EPHB1: variants seen among roughly 807,000 people sequenced by gnomAD.
EPHB1 encodes the protein ephrin type-B receptor 1.
Under a neutral mutation model 94.4 loss-of-function variants are expected in EPHB1, and 30 were observed. The observed-to-expected ratio is 0.32, with a 90% CI of 0.24 to 0.43. The LOEUF is 0.43. EPHB1 is among the 20% of genes least tolerant of loss of function. The probability of loss-of-function intolerance (pLI) is 1.00; values close to 1 mark genes in which losing one functional copy is unlikely to be tolerated. For synonymous variants in EPHB1, 522 were observed against 489.1 expected (o/e 1.07, Z -0.89); for missense variants, 1,055 against 1,308.3 (o/e 0.81, Z 2.99).
rs996792799 is a variant in EPHB1, at chr3:135,004,497, C to T, written c.805+52445C>T. The stretch of plus-strand genomic sequence containing the variant: ...GTTCTCTGTATTTCCTGAATCTGAA[C>T]GTTGGCCTGCCTTGCTAGATTTGGG... On this transcript the variant is annotated intron_variant, in intron 3 of 15. Coordinates refer to ENST00000398015, the MANE Select transcript of EPHB1 (RefSeq NM_004441.5). 6.7e-4 allele frequency among the ~76,000 whole-genome samples: 102 copies of T among 152,212 alleles called. 1 individual carries two copies. The South Asian group carries it at 8.9e-3, about 13-fold the overall frequency.
chr3:134,852,564 G>A (rs1319725083), intron 1 of EPHB1: 1 of 152,172 alleles, frequency 6.6e-6, no homozygotes, highest in Non-Finnish European at 1.5e-5. Context: ...GAAGGAGAAT[G>A]GAAGGCCTGA....
chr3:134,945,517 T>C (rs181737562), intron 2 of EPHB1, among the ~76,000 whole-genome samples: 44 of 152,344 alleles, frequency 2.9e-4, no homozygotes, highest in Admixed American at 2.7e-3. Flanking sequence ...ATTTCAGTTT[T>C]GGCCCACACT....
intron 1 of EPHB1, among the ~76,000 whole-genome samples, chr3:134,834,455 C>T (rs2081052794): frequency 6.6e-6 from 1 of 152,160 alleles, no homozygotes; most frequent in African/African-American, 2.4e-5. Flanking sequence ...TGACTGCTGG[C>T]TGTTTGGTCT....
chr3:135,210,772 G>C (rs1943013803), intron 12 of EPHB1, among the ~76,000 whole-genome samples: 1 of 152,084 alleles, frequency 6.6e-6, no homozygotes, highest in South Asian at 2.1e-4. Context: ...TTCCCTCTCT[G>C]GCCCCACAGT....
intron 12 of EPHB1, among the ~76,000 whole-genome samples, chr3:135,237,576 G>A (rs1943686814): frequency 6.6e-6 from 1 of 152,120 alleles, no homozygotes; most frequent in Admixed American, 6.5e-5. Flanking sequence ...CCTGCAGAAA[G>A]CAGACCCATA....
Position 135,130,794 on chromosome 3 carries a change from C to T in EPHB1, c.962-1920C>T, listed in dbSNP as rs1460723710. On this transcript the variant is annotated intron_variant, in intron 4 of 15. Transcript: ENST00000398015. Reference sequence around the variant, plus strand: ...TGAGATAAAAAGATTCACCCCACACCTAGTATAAAGCAAGCACTCAGTGAA... The same window carrying T: ...TGAGATAAAAAGATTCACCCCACACTTAGTATAAAGCAAGCACTCAGTGAA... 2.0e-5 allele frequency among the ~76,000 whole-genome samples: 3 copies of T among 152,184 alleles called. No homozygotes were observed. In the East Asian group the frequency reaches 5.8e-4, roughly 29 times the overall value.
chr3:135,003,173 G>GGTTTCAAAGAACATCTTT (rs1350799712), intron 3 of EPHB1, among the ~76,000 whole-genome samples: 12 of 149,280 alleles, frequency 8.0e-5, no homozygotes, highest in African/African-American at 7.4e-5. Context: ...TGTTCTCGTT[G>GGTTTCAAAGAACATCTTT]GTTTCAAAGA....
At chr3:135,234,996 A>G (rs1435884379) in intron 12 of EPHB1, among the ~76,000 whole-genome samples, 1 of 151,416 alleles carries the variant, frequency 6.6e-6, no homozygotes, top group Admixed American at 6.6e-5. Flanking sequence ...TCATCAACAC[A>G]AATACCCCTC....
chr3:135,239,297 C>A (rs1194878526), intron 12 of EPHB1, among the ~76,000 whole-genome samples: 1 of 143,268 alleles, frequency 7.0e-6, no homozygotes, highest in South Asian at 2.3e-4. Context: ...TTTTTTTTTT[C>A]TGCCTAGCTC....
At chr3:134,872,206 CTG>C (rs2037514294) in intron 1 of EPHB1, among the ~76,000 whole-genome samples, 3 of 152,194 alleles carry the variant, frequency 2.0e-5, no homozygotes, top group Admixed American at 2.0e-4. Flanking sequence ...TTCCGGGTAA[CTG>C]TTTTGCCTCT....
chr3:134,925,794 G>T (rs635721), intron 1 of EPHB1, 22 bp from the exon 2 acceptor site: 758,005 of 1,555,472 alleles, frequency 0.49, 190,744 homozygotes, highest in African/African-American at 0.79. Flanking sequence ...TTGTTTATTC[G>T]TTTTTTCTTT....
At chr3:134,838,377 G>A (rs962115856) in intron 1 of EPHB1, among the ~76,000 whole-genome samples, 1 of 152,196 alleles carries the variant, frequency 6.6e-6, no homozygotes, top group East Asian at 1.9e-4. Context: ...GCAGAGCCAA[G>A]AGGAAACCTT....
At chr3:134,867,810 G>T (rs879348460) in intron 1 of EPHB1, among the ~76,000 whole-genome samples, 3 of 152,300 alleles carry the variant, frequency 2.0e-5, no homozygotes, top group Admixed American at 6.5e-5. Flanking sequence ...GAGTAGATTG[G>T]CCTCCCAGGT....
chr3:134,899,883 G>A (rs1009560655), intron 1 of EPHB1, among the ~76,000 whole-genome samples: 1 of 152,184 alleles, frequency 6.6e-6, no homozygotes, highest in African/African-American at 2.4e-5. Context: ...GGCACAGCAA[G>A]GGTATAACAG....
At chr3:135,217,980 A>T (rs980676029) in intron 12 of EPHB1, among the ~76,000 whole-genome samples, 1 of 152,016 alleles carries the variant, frequency 6.6e-6, no homozygotes, top group African/African-American at 2.4e-5. Flanking sequence ...TTCTCCCCAT[A>T]GCTCCTGGCA....
chr3:135,244,208 A>C (rs1943864666), intron 13 of EPHB1, among the ~76,000 whole-genome samples: 1 of 152,124 alleles, frequency 6.6e-6, no homozygotes, highest in Admixed American at 6.5e-5. Context: ...AGGTGAATAA[A>C]GGCAACCCCT....
chr3:135,174,155 T>G (rs571233033), intron 9 of EPHB1, among the ~76,000 whole-genome samples: 1 of 152,342 alleles, frequency 6.6e-6, no homozygotes, highest in East Asian at 1.9e-4. Flanking sequence ...GCCAGCAAGA[T>G]GAGCCCCCCG....
chr3:135,052,343 A>G (rs1490215897), intron 3 of EPHB1, among the ~76,000 whole-genome samples: 1 of 152,128 alleles, frequency 6.6e-6, no homozygotes, highest in Non-Finnish European at 1.5e-5. Flanking sequence ...TGGTCTCTTG[A>G]GTTTGAATAT....
intron 3 of EPHB1, among the ~76,000 whole-genome samples, chr3:135,044,947 A>C (rs1936955180): frequency 6.6e-6 from 1 of 152,244 alleles, no homozygotes; most frequent in Admixed American, 6.5e-5. Flanking sequence ...CAGGCATCTC[A>C]GAATCAAGGC....
Sources: allele counts gnomAD v4.1 joint callset (sites outside exome capture counted in the v4.1 genomes callset), GRCh38; gene constraint gnomAD v4.1.1; transcripts MANE v1.5; gene names NCBI Gene and HGNC (gene_info 2026-07-23, HGNC 2026-07-21).